The following PPARG variants were observed in gnomAD, a reference collection of about 807,000 sequenced individuals.
PPARG encodes the protein peroxisome proliferator-activated receptor gamma.
In PPARG, 17 loss-of-function variants were observed where a neutral mutation model predicts 39.2. The observed-to-expected ratio is 0.43, with a 90% CI of 0.30 to 0.65. The LOEUF (loss-of-function observed/expected upper bound fraction) is 0.65. Ranked by LOEUF, PPARG falls within the 30% of genes least tolerant of loss-of-function variation. The pLI, the probability that PPARG is intolerant of heterozygous loss-of-function variation, is 0.13. For missense variants in PPARG, 406 were observed against 585.9 expected, an observed-to-expected ratio of 0.69 and a Z score of 3.17; for synonymous variants, 223 against 215.7, an observed-to-expected ratio of 1.03 and a Z score of -0.30.
chr3:12,375,341 A>G (rs2049368576), intron 2 of PPARG, among the ~76,000 whole-genome samples: 1 of 152,130 alleles, frequency 6.6e-6, no homozygotes, highest in African/African-American at 2.4e-5. Context: ...AACAAAGCAA[A>G]ATTAAACCAG....
chr3:12,369,272 G>A (rs751487135), intron 2 of PPARG, among the ~76,000 whole-genome samples: 2 of 152,064 alleles, frequency 1.3e-5, no homozygotes, highest in Admixed American at 6.6e-5. Flanking sequence ...TGGGCACATC[G>A]CTTGAGCCCA....
At chr3:12,325,038 G>C (rs2047651879) in intron 2 of PPARG, among the ~76,000 whole-genome samples, 1 of 152,204 alleles carries the variant, frequency 6.6e-6, no homozygotes, top group South Asian at 2.1e-4. Context: ...TGTAATTCCA[G>C]CACTTTGGGA....
At chr3:12,361,971 C>T (rs1234576199) in intron 2 of PPARG, among the ~76,000 whole-genome samples, 1 of 152,136 alleles carries the variant, frequency 6.6e-6, no homozygotes, top group Non-Finnish European at 1.5e-5. Flanking sequence ...ACTATCCTTT[C>T]ACTTATTTAT....
chr3:12,403,586 C>A (rs2050555579), intron 5 of PPARG, among the ~76,000 whole-genome samples: 1 of 152,068 alleles, frequency 6.6e-6, no homozygotes, highest in Non-Finnish European at 1.5e-5. Context: ...AAATTCCTGG[C>A]CTCAGGCAAT....
chr3:12,427,856 C>G (rs2051506891), intron 7 of PPARG, among the ~76,000 whole-genome samples: 1 of 152,204 alleles, frequency 6.6e-6, no homozygotes, highest in Admixed American at 6.5e-5. Context: ...GAACTAAGGT[C>G]TTTCATTGTC....
intron 2 of PPARG, chr3:12,328,133 C>A: frequency 7.8e-7 from 1 of 1,277,890 alleles, no homozygotes; most frequent in Non-Finnish European, 1.1e-6. Context: ...TCCAAGGAAG[C>A]AATTCACAAT....
chr3:12,396,602 C>CA (rs1184543045), intron 5 of PPARG, among the ~76,000 whole-genome samples: 12 of 151,944 alleles, frequency 7.9e-5, no homozygotes, highest in African/African-American at 2.9e-4. Context: ...ACTAAAACTA[C>CA]AAAAAATTAG....
chr3:12,315,454 A>G (rs2047363822), intron 2 of PPARG, among the ~76,000 whole-genome samples: 1 of 152,216 alleles, frequency 6.6e-6, no homozygotes, highest in Non-Finnish European at 1.5e-5. Context: ...AAAGGTATGT[A>G]GGAACTCCCT....
chr3:12,298,031 G>A (rs2046832121), intron 1 of PPARG: 1 of 151,750 alleles, frequency 6.6e-6, no homozygotes, highest in African/African-American at 2.4e-5. Context: ...CGGGCGCGGT[G>A]GCTCACGCCT....
At chr3:12,377,180 AT>A (rs2049445224) in intron 2 of PPARG, among the ~76,000 whole-genome samples, 1 of 152,190 alleles carries the variant, frequency 6.6e-6, no homozygotes, top group African/African-American at 2.4e-5. Context: ...AGAAAAATGC[AT>A]GTGGCATACA....
intron 2 of PPARG, among the ~76,000 whole-genome samples, chr3:12,373,158 T>G (rs764235332): frequency 1.3e-5 from 2 of 152,160 alleles, no homozygotes; most frequent in Non-Finnish European, 2.9e-5. Context: ...GAGACAAAAT[T>G]AGAAGCAGGC....
intron 2 of PPARG, chr3:12,371,797 T>C: frequency 3.2e-6 from 2 of 623,156 alleles, no homozygotes; most frequent in East Asian, 6.6e-5. Flanking sequence ...CCTCATTTTC[T>C]TTATCTGTCA....
At chr3:12,364,039 A>G (rs942529037) in intron 2 of PPARG, among the ~76,000 whole-genome samples, 15 of 150,246 alleles carry the variant, frequency 1.0e-4, no homozygotes, top group Non-Finnish European at 2.1e-4. Flanking sequence ...TTAACAGTCA[A>G]TAAACCCCCA....
intron 2 of PPARG, among the ~76,000 whole-genome samples, chr3:12,374,298 GT>G (rs1234438403): frequency 6.6e-6 from 1 of 152,012 alleles, no homozygotes. Context: ...TTATGTCTTT[GT>G]CAAAACCCAT....
chr3:12,313,322 G>A (rs1458094204), intron 2 of PPARG, among the ~76,000 whole-genome samples: 1 of 151,964 alleles, frequency 6.6e-6, no homozygotes, highest in Admixed American at 6.6e-5. Context: ...GCTTCTAGAG[G>A]ACCTAGAAGC....
At chr3:12,300,256 C>A (rs1421789267) in intron 1 of PPARG, among the ~76,000 whole-genome samples, 1 of 152,166 alleles carries the variant, frequency 6.6e-6, no homozygotes, top group African/African-American at 2.4e-5. Context: ...CTCATTAAAC[C>A]TGCCCACCTA....
At chr3:12,357,861 T>A (rs2048717911) in intron 2 of PPARG, among the ~76,000 whole-genome samples, 1 of 152,224 alleles carries the variant, frequency 6.6e-6, no homozygotes, top group African/African-American at 2.4e-5. Context: ...ATATAGTCAC[T>A]GAAGAAAAGA....
chr3:12,398,493 T>C (rs1379406093), intron 5 of PPARG, among the ~76,000 whole-genome samples: 1 of 152,142 alleles, frequency 6.6e-6, no homozygotes, highest in African/African-American at 2.4e-5. Context: ...AGCAACTACG[T>C]ATAGAGGAAT....
rs1575040243 is a variant in PPARG at position 12,351,729 on chromosome 3, T to G, written c.-8-27975T>G. The stretch of plus-strand genomic sequence containing the variant: ...GGACGTGGGGGCATTTATGTAAGGG[T>G]AAAATTGCTCTTGTAGTTTGTCTTC... On this transcript the variant is annotated intron_variant, in intron 2 of 7. Coordinates refer to ENST00000651735, the MANE Select transcript of PPARG (RefSeq NM_138711.6). 7 of 1,377,016 alleles carry G rather than the reference T, an allele frequency of 5.1e-6. No homozygotes were observed. The Admixed American group carries it at 1.2e-4, about 23-fold the overall frequency. 85.3% of individuals were successfully genotyped at this position (1,377,016 alleles called of 1,614,324 possible). A position where few individuals can be genotyped will look rare whatever the true frequency, so the allele number is the denominator to read the frequency against.
Sources: gnomAD v4.1 joint callset for allele counts (sites outside exome capture counted in the v4.1 genomes callset) on GRCh38, gnomAD v4.1.1 for gene constraint, MANE v1.5 for transcripts, NCBI Gene and HGNC (gene_info 2026-07-23, HGNC 2026-07-21) for gene names.